CCDC9B: variants seen among roughly 807,000 people sequenced by gnomAD.
CCDC9B encodes coiled-coil domain-containing protein 9B.
A neutral mutation model predicts 47.2 loss-of-function variants in CCDC9B; 40 were observed. That is an observed-to-expected ratio of 0.85 (90% confidence interval 0.66 to 1.10). CCDC9B has a LOEUF of 1.10. Ranked by LOEUF, CCDC9B falls within the 50% of genes least tolerant of loss-of-function variation. The probability of loss-of-function intolerance (pLI) is 0.00; values close to 1 mark genes in which losing one functional copy is unlikely to be tolerated. For missense variants in CCDC9B, 662 were observed against 651.0 expected (o/e 1.02, Z -0.18); for synonymous variants, 238 against 250.7 (o/e 0.95, Z 0.48).
chr15:40,331,544 T>C lies in CCDC9B; in HGVS notation c.*3614A>G, dbSNP rs1049789253. On this transcript the variant is annotated 3_prime_UTR_variant, in exon 11 of 11. Transcript: ENST00000397536. ...TGTTAAGACAGAGTCCAACTCCAAC[T>C]GCGGGCAGGTATGTTTTCCATACTC... The C allele has an allele frequency of 3.3e-5, 5 of 152,196 alleles. No homozygotes were observed. Among genetic ancestry groups the C allele is most frequent in the African/African-American group, 9.7e-5 (4 of 41,374 alleles). 9.4% of individuals were successfully genotyped at this position (152,196 alleles called of 1,614,324 possible). A position where few individuals can be genotyped will look rare whatever the true frequency, so the allele number is the denominator to read the frequency against.
chr15:40,336,337 G>T lies in CCDC9B; in HGVS notation c.887+237C>A, dbSNP rs908388541. Reference sequence around the variant, plus strand: ...TCCCCGCCTGCAATGCCTGGGAAAGGCATACCTCATTTCCCAGGGGAAGGG... The same window carrying T: ...TCCCCGCCTGCAATGCCTGGGAAAGTCATACCTCATTTCCCAGGGGAAGGG... On this transcript the variant is annotated intron_variant, in intron 9 of 10. Transcript: ENST00000397536. The T allele has an allele frequency of 3.0e-6, 3 of 985,296 alleles. No individual in the cohort carries two copies. In the African/African-American group the frequency reaches 5.2e-5, roughly 17 times the overall value. 61.0% of individuals were successfully genotyped at this position (985,296 alleles called of 1,614,324 possible). A position where few individuals can be genotyped will look rare whatever the true frequency, so the allele number is the denominator to read the frequency against.
chr15:40,336,737 G>A, intron 8 of CCDC9B, 23 bp downstream of exon 8: 2 of 1,601,146 alleles, frequency 1.2e-6, no homozygotes. Flanking sequence ...ACGAGACCTG[G>A]CCCCTCCTCC....
At position 40,333,683 on chromosome 15, in the gene CCDC9B, A is replaced by C; in HGVS notation, c.*1475T>G. On this transcript the variant is annotated 3_prime_UTR_variant, in exon 11 of 11. Transcript: ENST00000397536. ...TTCTCAAAACAGTCTGGTCTGCTAAAGAGATGCCCCTCACCTTCCTGAATA... is the reference window on the plus strand; with the variant it reads ...TTCTCAAAACAGTCTGGTCTGCTAACGAGATGCCCCTCACCTTCCTGAATA... 6.6e-6 allele frequency: 2 copies of C among 302,898 alleles called. No individual in the cohort carries two copies. The highest frequency in any genetic ancestry group is 9.7e-6 in the Non-Finnish European group (2 of 206,560). The allele number at this position is 302,898 out of a possible 1,614,324, so 18.8% of individuals were successfully genotyped here. A position where few individuals can be genotyped will look rare whatever the true frequency, so the allele number is the denominator to read the frequency against.
rs775772280 is a variant in CCDC9B at position 40,340,001 on chromosome 15, G to A, written c.27C>T (p.Ala9=). 3.7e-6 allele frequency: 6 copies of A among 1,612,276 alleles called. No individual in the cohort carries two copies. Among genetic ancestry groups the A allele is most frequent in the Admixed American group, 3.3e-5 (2 of 59,974 alleles). The change falls in exon 2 of 11, where the codon GCC becomes GCT. Residue 9 remains alanine, a synonymous_variant. Transcript: ENST00000397536. The stretch of plus-strand genomic sequence containing the variant: ...TCTCCTGCCTGCTCATGGGGGACTC[G>A]GCTCTGGGAGTTCCCTGCAGAGGCA... MHSAGTPR[A]ESPMSRQEKD...
At chr15:40,336,414 C>A in intron 9 of CCDC9B, 160 bp downstream of exon 9, 1 of 1,378,258 alleles carries the variant, frequency 7.3e-7, no homozygotes. Flanking sequence ...TCGCTGCAGC[C>A]TCTGCTAATG....
At chr15:40,338,028 G>A (rs1195469849) in intron 5 of CCDC9B, 135 bp from the exon 6 acceptor site, 16 of 845,112 alleles carry the variant, frequency 1.9e-5, no homozygotes, top group East Asian at 2.6e-5. Context: ...CAGCTCTCCC[G>A]TGGAAATGGT....
rs1277507561 is a variant in CCDC9B at position 40,335,560 on chromosome 15, C to T, written c.1071G>A (p.Val357=). ...ASPEGPKGES[V]ASTASSVPCS... The stretch of plus-strand genomic sequence containing the variant: ...AGGGGACTGAGCTGGCTGTGGAAGC[C>T]ACTGACTCCCCCTTCGGCCCCTCTG... Residue 357 remains valine, a synonymous_variant, in exon 11 of 11, where the codon GTG becomes GTA. Coordinates refer to ENST00000397536, the MANE Select transcript of CCDC9B (RefSeq NM_207380.3). The T allele has an allele frequency of 6.6e-7, 1 of 1,506,912 alleles. No homozygotes were observed. The highest frequency in any genetic ancestry group is 8.9e-7 in the Non-Finnish European group (1 of 1,127,574). 93.3% of individuals were successfully genotyped at this position (1,506,912 alleles called of 1,614,324 possible). A position where few individuals can be genotyped will look rare whatever the true frequency, so the allele number is the denominator to read the frequency against.
At position 40,338,570 on chromosome 15, in the gene CCDC9B, TG is replaced by T. The variant is rs772754432; in HGVS notation, c.477del (p.Thr160ArgfsTer44). 3 of 1,613,942 alleles carry T rather than the reference TG, an allele frequency of 1.9e-6. No individual in the cohort carries two copies. Among genetic ancestry groups the T allele is most frequent in the Non-Finnish European group, 1.7e-6 (2 of 1,180,004 alleles). On this transcript the variant is annotated frameshift_variant, in exon 5 of 11. Transcript: ENST00000397536. LOFTEE classifies it high-confidence loss of function. ...GAATCTGAGCTGATGGCCACCTGCG[TG>T]GGGGGGCTTCGGGTCACACGCCCTC... ...SPGGRVTRSP[P>X]TQVAISSDSA...
chr15:40,336,784 G>A lies in CCDC9B; in HGVS notation c.772C>T (p.Pro258Ser), dbSNP rs1314430828. The A allele has an allele frequency of 1.9e-6, 3 of 1,598,398 alleles. No individual in the cohort carries two copies. Among genetic ancestry groups the A allele is most frequent in the East Asian group, 2.3e-5 (1 of 44,034 alleles). Residue 258 changes from proline to serine, a missense_variant, in exon 8 of 11, where the codon CCA (proline) becomes TCA (serine). Coordinates refer to ENST00000397536, the MANE Select transcript of CCDC9B (RefSeq NM_207380.3). The part of the protein sequence containing the change: ...GPRSHQKLQP[P>S]PLLPDGKGRG... ...CCTTTTCCATCAGGGAGCAATGGTGGGGGCTGTAGTTTCTGGTGGCTCCTG... is the reference window on the plus strand; with the variant it reads ...CCTTTTCCATCAGGGAGCAATGGTGAGGGCTGTAGTTTCTGGTGGCTCCTG...
intron 5 of CCDC9B, chr15:40,338,104 G>A (rs546959677): frequency 3.0e-5 from 22 of 728,354 alleles, no homozygotes; most frequent in Admixed American, 3.0e-4. Context: ...TCATTTCCTC[G>A]TGTAAAATGG....
chr15:40,331,727 AGACTGAG>A lies in CCDC9B; in HGVS notation c.*3424_*3430del, dbSNP rs1390017956. On this transcript the variant is annotated 3_prime_UTR_variant, in exon 11 of 11. Transcript: ENST00000397536. Reference sequence around the variant, plus strand: ...CACAAGCCTCATTTTGCAGATAAGGAGACTGAGGCTTTTAGAGGCTAAAATTGACCCA... The same window carrying A: ...CACAAGCCTCATTTTGCAGATAAGGAGCTTTTAGAGGCTAAAATTGACCCA... 1.3e-5 allele frequency: 2 copies of A among 152,590 alleles called. No homozygotes were observed. Among genetic ancestry groups the A allele is most frequent in the Non-Finnish European group, 2.9e-5 (2 of 68,014 alleles). 9.5% of individuals were successfully genotyped at this position (152,590 alleles called of 1,614,324 possible).
Position 40,335,086 on chromosome 15 carries a change from A to AGTGG in CCDC9B, c.*71_*72insCCAC. 7.4e-7 allele frequency: 1 copy of AGTGG among 1,351,334 alleles called. No individual in the cohort carries two copies. The highest frequency in any genetic ancestry group is 9.9e-7 in the Non-Finnish European group (1 of 1,013,764). The allele number at this position is 1,351,334 out of a possible 1,614,324, so 83.7% of individuals were successfully genotyped here. A position where few individuals can be genotyped will look rare whatever the true frequency, so the allele number is the denominator to read the frequency against. On this transcript the variant is annotated 3_prime_UTR_variant, in exon 11 of 11. Transcript: ENST00000397536. Reference sequence around the variant, plus strand: ...AGCCACCGGCAACCACATGGCCATCACGCGGAGGGCCTTTAACAGAGTGAT... The same window carrying AGTGG: ...AGCCACCGGCAACCACATGGCCATCAGTGGCGCGGAGGGCCTTTAACAGAGTGAT...
chr15:40,336,054 G>A, intron 9 of CCDC9B: 1 of 985,424 alleles, frequency 1.0e-6, no homozygotes, highest in Non-Finnish European at 1.2e-6. Flanking sequence ...CAGGACCAGA[G>A]AGGAGGGGCC....
At chr15:40,339,418 G>T in intron 3 of CCDC9B, 94 bp downstream of exon 3, 1 of 1,339,402 alleles carries the variant, frequency 7.5e-7, no homozygotes, top group Non-Finnish European at 1.1e-6. Flanking sequence ...AGAATAGTTA[G>T]TAGGAGAGGG....
chr15:40,335,028 G>C lies in CCDC9B; in HGVS notation c.*130C>G. 2 of 833,484 alleles carry C rather than the reference G, an allele frequency of 2.4e-6. No homozygotes were observed. Among genetic ancestry groups the C allele is most frequent in the East Asian group, 5.2e-5 (2 of 38,106 alleles). 51.6% of individuals were successfully genotyped at this position (833,484 alleles called of 1,614,324 possible). A position where few individuals can be genotyped will look rare whatever the true frequency, so the allele number is the denominator to read the frequency against. ...GCCCTCACAAGGTCGCCATGCTGGA[G>C]AGTTTGCCACACTGCTCAGTGACAA... On this transcript the variant is annotated 3_prime_UTR_variant, in exon 11 of 11. Coordinates refer to ENST00000397536, the MANE Select transcript of CCDC9B (RefSeq NM_207380.3).
At chr15:40,336,248 G>A (rs1199535143) in intron 9 of CCDC9B, 2 of 985,260 alleles carry the variant, frequency 2.0e-6, no homozygotes, top group African/African-American at 3.5e-5. Flanking sequence ...CCCATCCTGG[G>A]TCCCCAGCTG....
At chr15:40,339,879 T>C in intron 2 of CCDC9B, 26 bp downstream of exon 2, 1 of 1,566,532 alleles carries the variant, frequency 6.4e-7, no homozygotes, top group Non-Finnish European at 8.8e-7. Context: ...AAGTGGTTTC[T>C]CCTGGCCCTG....
chr15:40,339,582 C>G lies in CCDC9B; in HGVS notation c.161G>C (p.Gly54Ala), dbSNP rs766827341. 4 of 1,613,650 alleles carry G rather than the reference C, an allele frequency of 2.5e-6. No individual in the cohort carries two copies. Among genetic ancestry groups the G allele is most frequent in the South Asian group, 2.2e-5 (2 of 91,074 alleles). ...QEDRRQAEQG[G>A]MAVTTPALLQ... ...GAGTGCTGGTGTGGTCACAGCCATC[C>G]CCCCCTGCTCTGCCTGCCGACGGTC... Residue 54 changes from glycine to alanine, a missense_variant, in exon 3 of 11, where the codon GGG (glycine) becomes GCG (alanine). Gly to Ala is a moderately conservative substitution (Grantham distance 60). Transcript: ENST00000397536.
chr15:40,335,246 C>A lies in CCDC9B; in HGVS notation c.1385G>T (p.Arg462Leu). ...CCTTTGGCTGCCTCCTCTCGTGGGC[C>A]GGCTTCTCGGGGCCAGGCCCTGCTG... ...GAQQGLAPRS[R>L]PTRGGSQRSR... The change falls in exon 11 of 11, where the codon CGG becomes CTG. Residue 462 changes from arginine to leucine, a missense_variant. By Grantham distance (102) the Arg-to-Leu change is moderately radical (BLOSUM62 -2). Coordinates refer to ENST00000397536, the MANE Select transcript of CCDC9B (RefSeq NM_207380.3). 6.3e-7 allele frequency: 1 copy of A among 1,596,306 alleles called. No homozygotes were observed. Among genetic ancestry groups the A allele is most frequent in the East Asian group, 2.2e-5 (1 of 44,484 alleles).
Sources: allele counts gnomAD v4.1 joint callset, GRCh38; gene constraint gnomAD v4.1.1; transcripts MANE v1.5; gene names NCBI Gene and HGNC (gene_info 2026-07-23, HGNC 2026-07-21).